The following WDR27 variants were observed in gnomAD, a reference collection of about 807,000 sequenced individuals.
The protein encoded by WDR27 is WD repeat domain 27, also known as WD repeat-containing protein 27.
In WDR27, 100 loss-of-function variants were observed where a neutral mutation model predicts 114.4. The ratio of observed to expected loss-of-function variants is 0.87; its 90% CI spans 0.74 to 1.03. The LOEUF is 1.03. WDR27 is among the 50% of genes least tolerant of loss of function. The probability of loss-of-function intolerance (pLI) is 0.00; values close to 1 mark genes in which losing one functional copy is unlikely to be tolerated. For synonymous variants in WDR27, 449 were observed against 423.1 expected, an observed-to-expected ratio of 1.06 and a Z score of -0.75; for missense variants, 1,129 against 1,092.9, an observed-to-expected ratio of 1.03 and a Z score of -0.47.
At chr6:169,521,263 T>A (rs1794338330) in intron 25 of WDR27, among the ~76,000 whole-genome samples, 1 of 151,442 alleles carries the variant, frequency 6.6e-6, no homozygotes, top group African/African-American at 2.4e-5. Context: ...AAAAAAAAAA[T>A]AACTTATATC....
At chr6:169,632,236 G>GATAAC (rs1212113564) in intron 21 of WDR27, among the ~76,000 whole-genome samples, 2 of 151,334 alleles carry the variant, frequency 1.3e-5, no homozygotes, top group Non-Finnish European at 2.9e-5. Context: ...TTAACCTGTG[G>GATAAC]ATAACAAAGT....
At chr6:169,681,090 T>A (rs1781405446) in intron 2 of WDR27, among the ~76,000 whole-genome samples, 1 of 152,120 alleles carries the variant, frequency 6.6e-6, no homozygotes, top group Non-Finnish European at 1.5e-5. Flanking sequence ...ACACAATTAT[T>A]CCTAATAGTG....
chr6:169,657,091 G>A (rs1156760496), intron 13 of WDR27, among the ~76,000 whole-genome samples: 2 of 152,170 alleles, frequency 1.3e-5, no homozygotes, highest in Admixed American at 1.3e-4. Flanking sequence ...CAGGGCGGAG[G>A]AATGGGGGAC....
intron 18 of WDR27, 29 bp downstream of exon 18, chr6:169,638,510 T>C (rs374644388): frequency 1.0e-4 from 165 of 1,607,612 alleles, no homozygotes; most frequent in Non-Finnish European, 1.3e-4. Context: ...TGGAAATGAC[T>C]GCCCATGGCA....
rs571764748 is a variant in WDR27 at position 169,626,904 on chromosome 6, A to C, written c.2223+6043T>G. On this transcript the variant is annotated intron_variant, in intron 21 of 25. Transcript: ENST00000448612. ...GTGGACGCCAACAGCACCACTGGGC[A>C]GTGCCTGTGTCTCCGAGGAGCTGAA... Among the ~76,000 whole-genome samples the C allele has an allele frequency of 3.9e-3, 589 of 152,364 alleles. 5 individuals are homozygous for C. The highest frequency in any genetic ancestry group is 0.014 in the African/African-American group (564 of 41,590).
chr6:169,593,008 C>T (rs1184312047), intron 23 of WDR27, among the ~76,000 whole-genome samples: 1 of 152,066 alleles, frequency 6.6e-6, no homozygotes, highest in Non-Finnish European at 1.5e-5. Flanking sequence ...CGCATAAACC[C>T]CACTTGGACA....
intron 1 of WDR27, among the ~76,000 whole-genome samples, chr6:169,699,041 G>A (rs1787079300): frequency 6.6e-6 from 1 of 152,184 alleles, no homozygotes; most frequent in Non-Finnish European, 1.5e-5. Flanking sequence ...CTCACGTTAG[G>A]CAGTGACAAA....
At chr6:169,698,088 G>A (rs1786736680) in intron 1 of WDR27, among the ~76,000 whole-genome samples, 1 of 152,174 alleles carries the variant, frequency 6.6e-6, no homozygotes, top group Admixed American at 6.5e-5. Flanking sequence ...AGCCAAGGAG[G>A]GAAGGAAGCC....
chr6:169,658,314 T>C lies in WDR27; in HGVS notation c.1364A>G (p.Lys455Arg), dbSNP rs1369268165. Residue 455 changes from lysine (K) to arginine (R), a missense_variant, in exon 13 of 26, where the codon AAG becomes AGG. Physicochemically the swap from Lys to Arg is conservative, Grantham distance 26. Transcript: ENST00000448612. The part of the protein sequence containing the change: ...PTSPLYLGIA[K>R]EKSTKAASEQ... ...ACTAGCAGCCTTGGTACTCTTCTCC[T>C]TGGCAATTCCCAGATACAGTGGAGA... 1.9e-6 allele frequency: 3 copies of C among 1,602,286 alleles called. No individual in the cohort carries two copies. The highest frequency in any genetic ancestry group is 2.6e-6 in the Non-Finnish European group (3 of 1,174,754).
intron 21 of WDR27, among the ~76,000 whole-genome samples, chr6:169,621,891 C>T (rs1813443977): frequency 6.6e-6 from 1 of 152,204 alleles, no homozygotes; most frequent in Admixed American, 6.5e-5. Context: ...CATTCACACA[C>T]AGGCACATAT....
At chr6:169,700,451 C>T (rs1274585517) in intron 1 of WDR27, among the ~76,000 whole-genome samples, 1 of 152,222 alleles carries the variant, frequency 6.6e-6, no homozygotes, top group Non-Finnish European at 1.5e-5. Flanking sequence ...AACTAAACTA[C>T]ACTCCCTAGC....
chr6:169,470,398 A>C (rs1786206778), intron 25 of WDR27, among the ~76,000 whole-genome samples: 2 of 151,480 alleles, frequency 1.3e-5, no homozygotes, highest in African/African-American at 2.4e-5. Context: ...CACATTCGTA[A>C]GTATTTGTTA....
chr6:169,689,025 A>T lies in WDR27; in HGVS notation c.-7-13T>A. The T allele has an allele frequency of 6.3e-7, 1 of 1,586,742 alleles. No homozygotes were observed. ...TTCCATCTTCAATCTGAAAACAAAA[A>T]GTACATATAAGATGACTATAGGTAT... On this transcript the variant is annotated splice_polypyrimidine_tract_variant and intron_variant, in intron 1 of 25. Coordinates refer to ENST00000448612, the MANE Select transcript of WDR27 (RefSeq NM_182552.5).
intron 25 of WDR27, among the ~76,000 whole-genome samples, chr6:169,558,158 C>T (rs142472943): frequency 8.6e-5 from 13 of 151,908 alleles, no homozygotes; most frequent in African/African-American, 1.9e-4. Context: ...CCACAAGCAG[C>T]GATGGCTTCT....
Position 169,668,107 on chromosome 6 carries a change from T to G in WDR27, c.535A>C (p.Thr179Pro). The G allele has an allele frequency of 6.2e-7, 1 of 1,614,040 alleles. No homozygotes were observed. The highest frequency in any genetic ancestry group is 2.2e-5 in the East Asian group (1 of 44,876). ...HKVPPPTFLH[T>P]FSQTQAVRAE... ...CGAACAGCCTGAGTCTGAGAGAATG[T>G]GTGCAGGAAGGTCGGTGGTGGGACT... Residue 179 changes from threonine to proline, a missense_variant, in exon 5 of 26, where the codon ACA becomes CCA. Physicochemically the swap from Thr to Pro is conservative, Grantham distance 38. Coordinates refer to ENST00000448612, the MANE Select transcript of WDR27 (RefSeq NM_182552.5).
At chr6:169,621,245 C>T (rs1224930128) in intron 21 of WDR27, among the ~76,000 whole-genome samples, 1 of 152,144 alleles carries the variant, frequency 6.6e-6, no homozygotes, top group Admixed American at 6.5e-5. Flanking sequence ...CAGGCATATA[C>T]ATACCCACAC....
At chr6:169,457,676 T>C in intron 25 of WDR27, 42 bp from the exon 26 acceptor site, 1 of 1,470,358 alleles carries the variant, frequency 6.8e-7, no homozygotes, top group Non-Finnish European at 9.3e-7. Flanking sequence ...CAATCGCCTT[T>C]TATTAATTGA....
At chr6:169,549,096 T>A (rs11969488) in intron 25 of WDR27, among the ~76,000 whole-genome samples, 6,376 of 152,188 alleles carry the variant, frequency 0.042, 367 homozygotes, top group African/African-American at 0.13. Context: ...ATGGATAATG[T>A]CAAGTGAATG....
chr6:169,552,245 C>T (rs1001237099), intron 25 of WDR27, among the ~76,000 whole-genome samples: 2 of 152,150 alleles, frequency 1.3e-5, no homozygotes, highest in Non-Finnish European at 2.9e-5. Context: ...GCACAAGCTG[C>T]CCCCCACTTC....
Sources: allele counts gnomAD v4.1 joint callset (sites outside exome capture counted in the v4.1 genomes callset), GRCh38; gene constraint gnomAD v4.1.1; transcripts MANE v1.5; gene names NCBI Gene and HGNC (gene_info 2026-07-23, HGNC 2026-07-21).